Variants in MACROD2 observed in about 807,000 individuals in gnomAD.
The protein encoded by MACROD2 is mono-ADP ribosylhydrolase 2.
MACROD2 carries 36 observed loss-of-function variants against 70.4 expected under a neutral mutation model. That is an observed-to-expected ratio of 0.51 (90% CI 0.39 to 0.68). The LOEUF (loss-of-function observed/expected upper bound fraction) is 0.68. Among genes scored for constraint, MACROD2 ranks in the 30% least tolerant of loss-of-function variants. MACROD2 has a pLI of 0.00. For synonymous variants in MACROD2, 172 were observed against 178.8 expected (o/e 0.96, Z 0.30); for missense variants, 496 against 538.4 (o/e 0.92, Z 0.78).
intron 5 of MACROD2, among the ~76,000 whole-genome samples, chr20:15,019,162 C>T (rs547296329): frequency 6.6e-6 from 1 of 152,114 alleles, no homozygotes; most frequent in African/African-American, 2.4e-5. Context: ...AACACACACA[C>T]ACGCGCGCGC....
intron 5 of MACROD2, among the ~76,000 whole-genome samples, chr20:14,695,789 G>C (rs2071118129): frequency 6.6e-6 from 1 of 152,208 alleles, no homozygotes; most frequent in Non-Finnish European, 1.5e-5. Context: ...CTGACAGCTT[G>C]ACTCCAACAT....
chr20:15,241,325 A>G (rs1196757109), intron 6 of MACROD2, among the ~76,000 whole-genome samples: 1 of 152,176 alleles, frequency 6.6e-6, no homozygotes, highest in African/African-American at 2.4e-5. Context: ...CATTCTACTG[A>G]TAGCAGTTTT....
intron 3 of MACROD2, among the ~76,000 whole-genome samples, chr20:14,139,968 T>A (rs1371998517): frequency 2.0e-5 from 3 of 152,146 alleles, no homozygotes; most frequent in African/African-American, 4.8e-5. Context: ...ACATAAAAAA[T>A]TAATGTATTA....
chr20:15,171,895 C>T (rs2076425187), intron 5 of MACROD2, among the ~76,000 whole-genome samples: 1 of 152,164 alleles, frequency 6.6e-6, no homozygotes, highest in East Asian at 1.9e-4. Context: ...TCAGCAGTGT[C>T]TACCCAGCAG....
intron 4 of MACROD2, among the ~76,000 whole-genome samples, chr20:14,656,430 C>G (rs1393087268): frequency 6.6e-6 from 1 of 152,166 alleles, no homozygotes; most frequent in East Asian, 1.9e-4. Context: ...AAGAGAGAAT[C>G]CATGACACCA....
chr20:14,876,137 T>A (rs1453082433), intron 5 of MACROD2, among the ~76,000 whole-genome samples: 1 of 152,206 alleles, frequency 6.6e-6, no homozygotes, highest in Non-Finnish European at 1.5e-5. Flanking sequence ...CAACTTCTGT[T>A]CTGTTTTGAC....
At chr20:15,661,674 G>T (rs1009678550) in intron 8 of MACROD2, among the ~76,000 whole-genome samples, 4 of 152,158 alleles carry the variant, frequency 2.6e-5, no homozygotes, top group African/African-American at 9.7e-5. Flanking sequence ...TAGCACCAGG[G>T]ATGCTTCTAA....
intron 6 of MACROD2, among the ~76,000 whole-genome samples, chr20:15,364,614 T>A (rs1007284429): frequency 6.6e-6 from 1 of 152,208 alleles, no homozygotes; most frequent in Admixed American, 6.5e-5. Context: ...AATACCAAAT[T>A]GATGGCTGAT....
At chr20:14,305,742 T>TAG (rs1310358142) in intron 3 of MACROD2, among the ~76,000 whole-genome samples, 1 of 152,196 alleles carries the variant, frequency 6.6e-6, no homozygotes, top group African/African-American at 2.4e-5. Context: ...TTCTTTAACA[T>TAG]TCTAGTCCCT....
chr20:15,674,321 G>T (rs2050025196), intron 8 of MACROD2, among the ~76,000 whole-genome samples: 1 of 152,154 alleles, frequency 6.6e-6, no homozygotes, highest in African/African-American at 2.4e-5. Flanking sequence ...AGGGGGCCCT[G>T]GAGTTGCAGC....
rs942502274 is a variant in MACROD2, at chr20:15,054,947, T to C, written c.419-174993T>C. ...ACAGGCTTGTGCCGCCACATCTAGC[T>C]TTTTTTTTTTTTTTTTTTTGAGATG... On this transcript the variant is annotated intron_variant, in intron 5 of 17. Coordinates refer to ENST00000684519, the MANE Select transcript of MACROD2 (RefSeq NM_001351661.2). Among the ~76,000 whole-genome samples, 353 of 46,412 alleles carry C rather than the reference T, an allele frequency of 7.6e-3. 2 individuals are homozygous for C. Among genetic ancestry groups the C allele is most frequent in the African/African-American group, 0.027 (307 of 11,358 alleles). The allele number at this position is 46,412 out of a possible 152,430, so 30.4% of individuals were successfully genotyped here.
At chr20:15,706,109 T>G (rs2050528123) in intron 8 of MACROD2, among the ~76,000 whole-genome samples, 1 of 152,248 alleles carries the variant, frequency 6.6e-6, no homozygotes, top group South Asian at 2.1e-4. Flanking sequence ...TTTTGTTTAA[T>G]TTAGAAATGT....
At chr20:14,197,455 TC>T (rs1280329618) in intron 3 of MACROD2, among the ~76,000 whole-genome samples, 1 of 152,208 alleles carries the variant, frequency 6.6e-6, no homozygotes, top group African/African-American at 2.4e-5. Flanking sequence ...ACTGTACTGA[TC>T]CAAGGGTATG....
chr20:15,745,241 C>T (rs1331154592), intron 8 of MACROD2, among the ~76,000 whole-genome samples: 2 of 152,156 alleles, frequency 1.3e-5, no homozygotes, highest in Admixed American at 6.5e-5. Context: ...ACATTTATAT[C>T]GGACACATAC....
At chr20:14,088,935 G>C (rs1017344346) in intron 3 of MACROD2, among the ~76,000 whole-genome samples, 1 of 152,168 alleles carries the variant, frequency 6.6e-6, no homozygotes, top group Non-Finnish European at 1.5e-5. Context: ...TATTTTGGGA[G>C]TAATTATTGA....
At chr20:15,594,946 G>T (rs2048726905) in intron 8 of MACROD2, among the ~76,000 whole-genome samples, 1 of 151,898 alleles carries the variant, frequency 6.6e-6, no homozygotes, top group Admixed American at 6.6e-5. Context: ...TTCTGTTATG[G>T]TCACCTCTGT....
chr20:14,664,553 A>G lies in MACROD2; in HGVS notation c.302-20290A>G, dbSNP rs187890695. Reference sequence around the variant, plus strand: ...CGTTAGTTTTGGTGACAAAATTTGCATTTACTACTGTAGAGCTGTAATACC... The same window carrying G: ...CGTTAGTTTTGGTGACAAAATTTGCGTTTACTACTGTAGAGCTGTAATACC... On this transcript the variant is annotated intron_variant, in intron 4 of 17. Transcript: ENST00000684519. Among the ~76,000 whole-genome samples, 188 of 152,170 alleles carry G rather than the reference A, an allele frequency of 1.2e-3. 1 individual carries two copies. The highest frequency in any genetic ancestry group is 4.3e-3 in the African/African-American group (179 of 41,550).
intron 4 of MACROD2, among the ~76,000 whole-genome samples, chr20:14,637,329 C>T (rs912197698): frequency 6.6e-6 from 1 of 152,158 alleles, no homozygotes; most frequent in Non-Finnish European, 1.5e-5. Context: ...CTTAAAGATG[C>T]TCTTCAGATA....
intron 3 of MACROD2, among the ~76,000 whole-genome samples, chr20:14,149,731 A>G (rs890835042): frequency 6.6e-6 from 1 of 152,126 alleles, no homozygotes; most frequent in African/African-American, 2.4e-5. Context: ...CATTTCTCTG[A>G]TAATTAGTGA....
Sources: allele counts gnomAD v4.1 joint callset (sites outside exome capture counted in the v4.1 genomes callset), GRCh38; gene constraint gnomAD v4.1.1; transcripts MANE v1.5; gene names NCBI Gene and HGNC (gene_info 2026-07-23, HGNC 2026-07-21).